Variants in KCNIP4 observed in about 807,000 individuals in gnomAD.
The protein encoded by KCNIP4 is potassium voltage-gated channel interacting protein 4.
In KCNIP4, 12 loss-of-function variants were observed where a neutral mutation model predicts 34.0. The ratio of observed to expected loss-of-function variants is 0.35; its 90% confidence interval spans 0.23 to 0.57. The LOEUF (loss-of-function observed/expected upper bound fraction) is 0.57, where lower values mean the gene tolerates loss of function less well. KCNIP4 is among the 20% of genes least tolerant of loss of function. KCNIP4 has a pLI of 0.83. For synonymous variants in KCNIP4, 124 were observed against 102.2 expected, an observed-to-expected ratio of 1.21 and a Z score of -1.29; for missense variants, 238 against 311.7, an observed-to-expected ratio of 0.76 and a Z score of 1.78.
intron 1 of KCNIP4, among the ~76,000 whole-genome samples, chr4:21,532,091 T>G (rs1479884728): frequency 2.6e-5 from 4 of 152,124 alleles, no homozygotes; most frequent in Non-Finnish European, 5.9e-5. Flanking sequence ...TCAGTATACT[T>G]TGAGTCTTGG....
intron 1 of KCNIP4, among the ~76,000 whole-genome samples, chr4:21,529,024 C>G (rs1159631578): frequency 6.6e-6 from 1 of 152,066 alleles, no homozygotes; most frequent in Non-Finnish European, 1.5e-5. Context: ...GGTTTTGCCC[C>G]TTCCTCCATA....
chr4:21,072,252 C>A (rs1339273083), intron 1 of KCNIP4, among the ~76,000 whole-genome samples: 1 of 152,162 alleles, frequency 6.6e-6, no homozygotes, highest in Non-Finnish European at 1.5e-5. Context: ...AGTTTACAGT[C>A]CCACCAACAG....
intron 1 of KCNIP4, among the ~76,000 whole-genome samples, chr4:21,794,446 C>T (rs1720500459): frequency 6.6e-6 from 1 of 152,134 alleles, no homozygotes; most frequent in Admixed American, 6.5e-5. Context: ...TGGTAGACAG[C>T]GTGAGCACTG....
At chr4:21,365,018 G>A (rs1448860526) in intron 1 of KCNIP4, among the ~76,000 whole-genome samples, 1 of 152,112 alleles carries the variant, frequency 6.6e-6, no homozygotes, top group Non-Finnish European at 1.5e-5. Context: ...ATGGAAAACT[G>A]GAAAAGCCAA....
chr4:21,271,389 T>C (rs1470104315), intron 1 of KCNIP4, among the ~76,000 whole-genome samples: 1 of 152,208 alleles, frequency 6.6e-6, no homozygotes, highest in African/African-American at 2.4e-5. Context: ...AGACTGTTGG[T>C]GGTCAGTAAA....
At chr4:20,743,356 C>G (rs1171602456) in intron 5 of KCNIP4, among the ~76,000 whole-genome samples, 1 of 152,180 alleles carries the variant, frequency 6.6e-6, no homozygotes, top group East Asian at 1.9e-4. Flanking sequence ...ATCATGCTGC[C>G]TGACTTCAAA....
At chr4:21,341,403 A>G (rs1716751385) in intron 1 of KCNIP4, among the ~76,000 whole-genome samples, 1 of 152,174 alleles carries the variant, frequency 6.6e-6, no homozygotes, top group Non-Finnish European at 1.5e-5. Flanking sequence ...TACCATCTCC[A>G]CACTCCTCCC....
chr4:21,328,013 A>C (rs1010705560), intron 1 of KCNIP4, among the ~76,000 whole-genome samples: 1 of 152,118 alleles, frequency 6.6e-6, no homozygotes, highest in African/African-American at 2.4e-5. Context: ...TGAAATTGTC[A>C]TCTGAAAAGA....
At chr4:20,992,255 G>GC (rs1382904325) in intron 1 of KCNIP4, among the ~76,000 whole-genome samples, 1 of 152,150 alleles carries the variant, frequency 6.6e-6, no homozygotes, top group Non-Finnish European at 1.5e-5. Flanking sequence ...GGAGAAGCAG[G>GC]CACTTTCTTC....
At chr4:21,725,054 T>C (rs7375384) in intron 1 of KCNIP4, among the ~76,000 whole-genome samples, 96,027 of 151,976 alleles carry the variant, frequency 0.63, 32,189 homozygotes, top group African/African-American at 0.83. Context: ...ATTTAATCAG[T>C]CTGACTTTGC....
At chr4:20,912,343 T>C (rs1439313326) in intron 1 of KCNIP4, among the ~76,000 whole-genome samples, 1 of 152,182 alleles carries the variant, frequency 6.6e-6, no homozygotes, top group Non-Finnish European at 1.5e-5. Flanking sequence ...CAGCAAGTTT[T>C]AGGATACAAG....
rs570958615 is a variant in KCNIP4 at position 20,987,959 on chromosome 4, C to G, written c.62-105250G>C. Among the ~76,000 whole-genome samples the G allele has an allele frequency of 3.7e-5, 5 of 136,028 alleles. No homozygotes were observed. The South Asian group carries it at 9.1e-4, about 25-fold the overall frequency. The allele number at this position is 136,028 out of a possible 152,430, so 89.2% of individuals were successfully genotyped here. On this transcript the variant is annotated intron_variant, in intron 1 of 8. Transcript: ENST00000382152. The stretch of plus-strand genomic sequence containing the variant: ...GAGCTTGCAGTGAGCCGAGATCGCA[C>G]CACTGCACTCCAGCCTGGGCGACAC...
chr4:21,138,237 T>A (rs558410488), intron 1 of KCNIP4, among the ~76,000 whole-genome samples: 1 of 152,320 alleles, frequency 6.6e-6, no homozygotes, highest in South Asian at 2.1e-4. Context: ...CTCAACTCTG[T>A]GCCCTAAGGA....
intron 1 of KCNIP4, among the ~76,000 whole-genome samples, chr4:21,111,854 C>T (rs1749203431): frequency 6.6e-6 from 1 of 152,228 alleles, no homozygotes; most frequent in South Asian, 2.1e-4. Context: ...CCATATAGTC[C>T]TGCCAGGTCC....
chr4:20,910,311 C>T (rs1349865768), intron 1 of KCNIP4, among the ~76,000 whole-genome samples: 3 of 151,394 alleles, frequency 2.0e-5, no homozygotes, highest in Non-Finnish European at 4.4e-5. Flanking sequence ...GTATCTGTTA[C>T]TTGAAGGGGA....
intron 1 of KCNIP4, among the ~76,000 whole-genome samples, chr4:20,990,863 G>C (rs545487106): frequency 1.3e-5 from 2 of 152,110 alleles, no homozygotes; most frequent in South Asian, 4.2e-4. Context: ...CTTTAAGGCC[G>C]TGATTCTCCA....
chr4:20,748,369 G>A (rs192637732), intron 5 of KCNIP4, among the ~76,000 whole-genome samples: 1 of 151,768 alleles, frequency 6.6e-6, no homozygotes, highest in Non-Finnish European at 1.5e-5. Flanking sequence ...AGGAGCTCCT[G>A]ACTGTCCTTT....
chr4:21,143,967 C>T (rs1241487948), intron 1 of KCNIP4, among the ~76,000 whole-genome samples: 2 of 152,140 alleles, frequency 1.3e-5, no homozygotes, highest in Admixed American at 1.3e-4. Context: ...CTTGGTCTCC[C>T]AAAGTGCTGC....
At chr4:21,256,417 T>A (rs1761065561) in intron 1 of KCNIP4, among the ~76,000 whole-genome samples, 1 of 87,420 alleles carries the variant, frequency 1.1e-5, no homozygotes, top group Non-Finnish European at 2.5e-5. Context: ...CCATCCCTGC[T>A]TAAAAAAAAA....
Sources: gnomAD v4.1 joint callset for allele counts (sites outside exome capture counted in the v4.1 genomes callset) on GRCh38, gnomAD v4.1.1 for gene constraint, MANE v1.5 for transcripts, NCBI Gene and HGNC (gene_info 2026-07-23, HGNC 2026-07-21) for gene names.